Variants in UBE2QL1 observed in about 807,000 individuals in gnomAD.
UBE2QL1 encodes ubiquitin conjugating enzyme E2 QL1.
A neutral mutation model predicts 12.6 loss-of-function variants in UBE2QL1; 5 were observed. The observed-to-expected ratio is 0.40, with a 90% CI of 0.21 to 0.83. The LOEUF (loss-of-function observed/expected upper bound fraction) is 0.83, where lower values mean the gene tolerates loss of function less well. UBE2QL1 is among the 40% of genes least tolerant of loss of function. The pLI, the probability that UBE2QL1 is intolerant of heterozygous loss-of-function variation, is 0.37. For missense variants in UBE2QL1, 99 were observed against 222.6 expected (o/e 0.44, Z 3.53); for synonymous variants, 96 against 94.5 (o/e 1.02, Z -0.10).
At chr5:6,455,013 C>T (rs1279485043) in intron 1 of UBE2QL1, among the ~76,000 whole-genome samples, 3 of 152,198 alleles carry the variant, frequency 2.0e-5, no homozygotes, top group Non-Finnish European at 4.4e-5. Context: ...AGCAGCTCAG[C>T]CCGGGGTGCA....
intron 1 of UBE2QL1, among the ~76,000 whole-genome samples, chr5:6,462,726 A>C (rs1342210841): frequency 6.6e-6 from 1 of 152,112 alleles, no homozygotes; most frequent in East Asian, 1.9e-4. Context: ...CTCACCCAAA[A>C]TCCCTGTGGG....
At chr5:6,468,641 A>G (rs936232066) in intron 1 of UBE2QL1, among the ~76,000 whole-genome samples, 1 of 152,216 alleles carries the variant, frequency 6.6e-6, no homozygotes, top group African/African-American at 2.4e-5. Flanking sequence ...CACCATTTTC[A>G]TCATTTTAAA....
intron 1 of UBE2QL1, among the ~76,000 whole-genome samples, chr5:6,457,340 A>T (rs147963045): frequency 5.6e-4 from 85 of 151,968 alleles, no homozygotes; most frequent in African/African-American, 2.0e-3. Flanking sequence ...CCTTCAATAA[A>T]AGCGATGACT....
chr5:6,451,529 G>T (rs749101172), intron 1 of UBE2QL1, among the ~76,000 whole-genome samples: 1 of 152,092 alleles, frequency 6.6e-6, no homozygotes, highest in Non-Finnish European at 1.5e-5. Flanking sequence ...TGAACCCATT[G>T]CCCTCCACCT....
rs1241932038 is a variant in UBE2QL1 at position 6,449,145 on chromosome 5, C to T, written c.252C>T (p.Gly84=). ...TGGAGAACGGCTACGTGCTGGACGG[C>T]GGCGCCATCTGCATGGAGCTGCTCA... The part of the protein sequence containing the change: ...PRLENGYVLD[G]GAICMELLTP... The change falls in exon 1 of 2, where the codon GGC becomes GGT. Residue 84 remains glycine, a synonymous_variant. Transcript: ENST00000399816. The T allele has an allele frequency of 1.9e-6, 3 of 1,543,984 alleles. No homozygotes were observed. The Admixed American group carries it at 6.0e-5, about 31-fold the overall frequency.
intron 1 of UBE2QL1, among the ~76,000 whole-genome samples, chr5:6,458,463 T>C (rs149461262): frequency 1.3e-5 from 2 of 152,360 alleles, no homozygotes; most frequent in African/African-American, 4.8e-5. Flanking sequence ...ACATTTTGGT[T>C]CTAATAAAAA....
At chr5:6,463,885 C>T (rs1252810315) in intron 1 of UBE2QL1, among the ~76,000 whole-genome samples, 2 of 152,050 alleles carry the variant, frequency 1.3e-5, no homozygotes, top group Admixed American at 1.3e-4. Context: ...CCTCGGCCTC[C>T]CAGAGTGCTG....
At chr5:6,474,905 T>C (rs1734198887) in intron 1 of UBE2QL1, among the ~76,000 whole-genome samples, 1 of 152,184 alleles carries the variant, frequency 6.6e-6, no homozygotes. Flanking sequence ...CTGCATGGCA[T>C]TGTGCAGTTT....
At position 6,491,481 on chromosome 5, in the gene UBE2QL1, G is replaced by GT; in HGVS notation, c.*135dup. The stretch of plus-strand genomic sequence containing the variant: ...ACTGCATCCTGAATGCCCAGGAGAC[G>GT]TTTAAGTTATTTATGAAAAGATGTG... On this transcript the variant is annotated 3_prime_UTR_variant, in exon 2 of 2. Transcript: ENST00000399816. The GT allele has an allele frequency of 8.1e-7, 1 of 1,241,328 alleles. No homozygotes were observed. The highest frequency in any genetic ancestry group is 1.1e-6 in the Non-Finnish European group (1 of 931,868). 76.9% of individuals were successfully genotyped at this position (1,241,328 alleles called of 1,614,324 possible).
chr5:6,468,698 T>G (rs1030053673), intron 1 of UBE2QL1, among the ~76,000 whole-genome samples: 1 of 152,224 alleles, frequency 6.6e-6, no homozygotes, highest in Non-Finnish European at 1.5e-5. Context: ...AGCCTTCAAT[T>G]CTACTTCTTA....
chr5:6,449,010 G>A lies in UBE2QL1; in HGVS notation c.117G>A (p.Val39=). ...TGCACCAGGTGGACAAGGACTCGGTGCTGTGGCAGGACATGAAGGAGACCA... is the reference window on the plus strand; with the variant it reads ...TGCACCAGGTGGACAAGGACTCGGTACTGTGGCAGGACATGAAGGAGACCA... ...VKLHQVDKDS[V]LWQDMKETNT... The change falls in exon 1 of 2, where the codon GTG becomes GTA. Residue 39 remains valine (V), a synonymous_variant. Coordinates refer to ENST00000399816, the MANE Select transcript of UBE2QL1 (RefSeq NM_001145161.3). 4 of 1,549,490 alleles carry A rather than the reference G, an allele frequency of 2.6e-6. No homozygotes were observed. Among genetic ancestry groups the A allele is most frequent in the Non-Finnish European group, 3.5e-6 (4 of 1,146,106 alleles).
At chr5:6,487,146 G>C (rs1734482158) in intron 1 of UBE2QL1, among the ~76,000 whole-genome samples, 1 of 152,252 alleles carries the variant, frequency 6.6e-6, no homozygotes, top group Admixed American at 6.5e-5. Flanking sequence ...GGAAGATGCA[G>C]ACGTGCCAGG....
At chr5:6,480,750 A>G (rs1414326269) in intron 1 of UBE2QL1, among the ~76,000 whole-genome samples, 4 of 152,328 alleles carry the variant, frequency 2.6e-5, no homozygotes, top group East Asian at 1.9e-4. Flanking sequence ...AGGATTTTGT[A>G]TAGTATTAAG....
chr5:6,492,244 G>A lies in UBE2QL1; in HGVS notation c.*895G>A, dbSNP rs1416832026. The stretch of plus-strand genomic sequence containing the variant: ...AAAAGATGATTTCCCATTCACTGCA[G>A]TCATCTGACTCATTTTAATATCTGT... On this transcript the variant is annotated 3_prime_UTR_variant, in exon 2 of 2. Coordinates refer to ENST00000399816, the MANE Select transcript of UBE2QL1 (RefSeq NM_001145161.3). 6.6e-6 allele frequency: 1 copy of A among 152,236 alleles called. No individual in the cohort carries two copies. The highest frequency in any genetic ancestry group is 6.5e-5 in the Admixed American group (1 of 15,284). The allele number at this position is 152,236 out of a possible 1,614,324, so 9.4% of individuals were successfully genotyped here. A position where few individuals can be genotyped will look rare whatever the true frequency, so the allele number is the denominator to read the frequency against.
At chr5:6,477,397 C>T (rs532207731) in intron 1 of UBE2QL1, among the ~76,000 whole-genome samples, 6 of 151,282 alleles carry the variant, frequency 4.0e-5, no homozygotes, top group Middle Eastern at 6.8e-3. Flanking sequence ...CAGGTGTGCC[C>T]GGAGGTCAGC....
rs1336548429 is a variant in UBE2QL1, at chr5:6,478,677, G to A, written c.355-12541G>A. Among the ~76,000 whole-genome samples, 1 of 151,626 alleles carries A rather than the reference G, an allele frequency of 6.6e-6. No individual in the cohort carries two copies. The highest frequency in any genetic ancestry group is 2.4e-5 in the African/African-American group (1 of 41,226). On this transcript the variant is annotated intron_variant, in intron 1 of 1. Coordinates refer to ENST00000399816, the MANE Select transcript of UBE2QL1 (RefSeq NM_001145161.3). The surrounding 1 kb of genome is among the most constrained non-coding windows in gnomAD (Gnocchi z 4.5). ...GCCGTACCTACTATCTGTGCTGAGA[G>A]AACTGTTCCGCAGCAAGGCTGGGCC...
chr5:6,466,274 C>T (rs1560930929), intron 1 of UBE2QL1, among the ~76,000 whole-genome samples: 1 of 152,254 alleles, frequency 6.6e-6, no homozygotes, highest in Non-Finnish European at 1.5e-5. Flanking sequence ...GAGCGAACTG[C>T]TCAGCACTCA....
rs142466238 is a variant in UBE2QL1, at chr5:6,473,884, A to G, written c.355-17334A>G. Among the ~76,000 whole-genome samples, 367 of 152,302 alleles carry G rather than the reference A, an allele frequency of 2.4e-3. 1 individual carries two copies. Among genetic ancestry groups the G allele is most frequent in the African/African-American group, 8.5e-3 (354 of 41,552 alleles). On this transcript the variant is annotated intron_variant, in intron 1 of 1. Transcript: ENST00000399816. ...TTGTTCTTATGCCATTTAAAATGTC[A>G]CCAAATATACCTGGGATTAACTTTT...
intron 1 of UBE2QL1, among the ~76,000 whole-genome samples, chr5:6,475,249 G>C (rs1734207007): frequency 6.6e-6 from 1 of 152,150 alleles, no homozygotes; most frequent in Non-Finnish European, 1.5e-5. Flanking sequence ...AAAATCTCTT[G>C]TTAATTTTAT....
Sources: gnomAD v4.1 joint callset for allele counts (sites outside exome capture counted in the v4.1 genomes callset) on GRCh38, gnomAD v4.1.1 for gene constraint, Gnocchi (gnomAD v3.1) non-coding constraint, MANE v1.5 for transcripts, NCBI Gene and HGNC (gene_info 2026-07-23, HGNC 2026-07-21) for gene names.